TLK1: variants seen among roughly 807,000 people sequenced by gnomAD.
TLK1 encodes serine/threonine-protein kinase tousled-like 1.
In TLK1, 24 loss-of-function variants were observed where a neutral mutation model predicts 105.3. The ratio of observed to expected loss-of-function variants is 0.23; its 90% CI spans 0.17 to 0.32. TLK1 has a LOEUF of 0.32. Among genes scored for constraint, TLK1 ranks in the 10% least tolerant of loss-of-function variants. TLK1 has a pLI of 1.00. For missense variants in TLK1, 558 were observed against 910.5 expected, an observed-to-expected ratio of 0.61 and a Z score of 4.98; for synonymous variants, 321 against 310.4, an observed-to-expected ratio of 1.03 and a Z score of -0.36.
In TLK1 at chr2:171,049,926, T is replaced by C; in HGVS notation, c.868A>G (p.Arg290Gly). ...EKSTQEKLSS[R>G]EKSMQDRLRL... ...AATCGATCTTGCATACTCTTCTCTCTGCTTGACAGCTTTTCTTGTGTACTC... is the reference window on the plus strand; with the variant it reads ...AATCGATCTTGCATACTCTTCTCTCCGCTTGACAGCTTTTCTTGTGTACTC... The change falls in exon 10 of 21, where the codon AGA becomes GGA. Residue 290 changes from arginine (R) to glycine (G), a missense_variant. Coordinates refer to ENST00000431350, the MANE Select transcript of TLK1 (RefSeq NM_012290.5). 6.2e-7 allele frequency: 1 copy of C among 1,613,446 alleles called. No individual in the cohort carries two copies. Among genetic ancestry groups the C allele is most frequent in the Non-Finnish European group, 8.5e-7 (1 of 1,179,834 alleles).
At chr2:171,211,493 C>T (rs773196946) in intron 1 of TLK1, among the ~76,000 whole-genome samples, 3 of 151,970 alleles carry the variant, frequency 2.0e-5, no homozygotes, top group Non-Finnish European at 4.4e-5. Context: ...TTGTTCAATG[C>T]TATTTTGCAC....
At chr2:171,200,416 T>A (rs958430793) in intron 1 of TLK1, among the ~76,000 whole-genome samples, 2 of 152,226 alleles carry the variant, frequency 1.3e-5, no homozygotes, top group Non-Finnish European at 1.5e-5. Context: ...GAAGCCATGG[T>A]TCCTTTCTTT....
chr2:170,997,559 T>G (rs1220156208), intron 19 of TLK1, among the ~76,000 whole-genome samples, 153 bp downstream of exon 19: 1 of 152,114 alleles, frequency 6.6e-6, no homozygotes, highest in Non-Finnish European at 1.5e-5. Flanking sequence ...ATAATTCTGA[T>G]CCATGGAAAT....
intron 20 of TLK1, among the ~76,000 whole-genome samples, chr2:170,995,294 T>C (rs1368671709): frequency 6.6e-6 from 1 of 152,110 alleles, no homozygotes; most frequent in Non-Finnish European, 1.5e-5. Flanking sequence ...TTGGCAAAGG[T>C]ATCTTCTGTA....
At chr2:171,102,931 A>G (rs993588145) in intron 2 of TLK1, among the ~76,000 whole-genome samples, 10 of 152,206 alleles carry the variant, frequency 6.6e-5, no homozygotes, top group African/African-American at 1.7e-4. Context: ...TATGGAATCA[A>G]TAAGTTGTAG....
At chr2:171,109,833 G>T (rs1185141706) in intron 2 of TLK1, among the ~76,000 whole-genome samples, 2 of 152,092 alleles carry the variant, frequency 1.3e-5, no homozygotes, top group African/African-American at 4.8e-5. Context: ...CAACAACCTG[G>T]ATAAATCTCA....
chr2:171,121,972 C>T (rs1046846116), intron 1 of TLK1, among the ~76,000 whole-genome samples: 1 of 152,142 alleles, frequency 6.6e-6, no homozygotes. Context: ...TTTTGAGACG[C>T]AGTCTCACTC....
intron 1 of TLK1, among the ~76,000 whole-genome samples, chr2:171,176,829 T>C (rs1692838124): frequency 1.3e-5 from 2 of 148,902 alleles, no homozygotes; most frequent in East Asian, 1.9e-4. Context: ...CATCGGCCTA[T>C]TTTTTTTTTA....
intron 1 of TLK1, among the ~76,000 whole-genome samples, chr2:171,121,032 C>T (rs1558953339): frequency 6.6e-6 from 1 of 151,968 alleles, no homozygotes; most frequent in East Asian, 1.9e-4. Context: ...GTAAAATAAG[C>T]CAGTCACAAA....
intron 1 of TLK1, among the ~76,000 whole-genome samples, chr2:171,134,040 A>C (rs935102141): frequency 1.3e-5 from 2 of 152,124 alleles, no homozygotes; most frequent in African/African-American, 4.8e-5. Flanking sequence ...GCCCAGCCAC[A>C]ATCATTTCAA....
Position 171,099,280 on chromosome 2 carries a change from T to C in TLK1, c.259-16428A>G, listed in dbSNP as rs148027470. On this transcript the variant is annotated intron_variant, in intron 2 of 20. Coordinates refer to ENST00000431350, the MANE Select transcript of TLK1 (RefSeq NM_012290.5). ...TTACAATACTATCAAAAAAATAAAA[T>C]ACTTAGGAATAAACTTAACAAAACA... Among the ~76,000 whole-genome samples, 4 of 152,056 alleles carry C rather than the reference T, an allele frequency of 2.6e-5. No homozygotes were observed. The East Asian group carries it at 7.7e-4, about 29-fold the overall frequency.
chr2:171,023,410 C>T (rs375750783), intron 12 of TLK1, among the ~76,000 whole-genome samples: 29 of 142,526 alleles, frequency 2.0e-4, no homozygotes, highest in African/African-American at 8.2e-4. Flanking sequence ...AATGCACTCA[C>T]ACATACACAC....
intron 1 of TLK1, among the ~76,000 whole-genome samples, chr2:171,189,717 G>A (rs562495562): frequency 6.6e-6 from 1 of 152,276 alleles, no homozygotes; most frequent in African/African-American, 2.4e-5. Flanking sequence ...TCTGAAGATA[G>A]GCCATGACAT....
chr2:171,216,161 C>T (rs1207619727), intron 1 of TLK1, among the ~76,000 whole-genome samples: 2 of 152,134 alleles, frequency 1.3e-5, no homozygotes, highest in East Asian at 3.8e-4. Context: ...TCCAGAGTTG[C>T]ACACTAACCA....
Position 171,169,142 on chromosome 2 carries a change from CAATCTT to C in TLK1, c.-5-51291_-5-51286del, listed in dbSNP as rs1692675604. Among the ~76,000 whole-genome samples, 3 of 151,820 alleles carry C rather than the reference CAATCTT, an allele frequency of 2.0e-5. No homozygotes were observed. The South Asian group carries it at 6.2e-4, about 32-fold the overall frequency. On this transcript the variant is annotated intron_variant, in intron 1 of 20. Coordinates refer to the TLK1 transcript ENST00000521943. Reference sequence around the variant, plus strand: ...ATTCTGGGAATCTATCTGGAAGAAACAATCTTAAATTAGAAAAAATGTGTCTGTGCT... The same window carrying C: ...ATTCTGGGAATCTATCTGGAAGAAACAAATTAGAAAAAATGTGTCTGTGCT...
intron 18 of TLK1, among the ~76,000 whole-genome samples, chr2:170,999,633 TTATA>T (rs1298585622): frequency 3.9e-5 from 6 of 152,244 alleles, no homozygotes; most frequent in African/African-American, 1.4e-4. Context: ...AAGAGCAATA[TTATA>T]TGTGTATTCT....
chr2:171,168,647 A>G (rs1248284903), intron 1 of TLK1, among the ~76,000 whole-genome samples: 2 of 152,262 alleles, frequency 1.3e-5, no homozygotes, highest in Non-Finnish European at 2.9e-5. Flanking sequence ...CTGGTGTCTA[A>G]AACAGACTTT....
intron 1 of TLK1, among the ~76,000 whole-genome samples, chr2:171,139,656 G>C (rs185035902): frequency 6.6e-6 from 1 of 152,080 alleles, no homozygotes; most frequent in African/African-American, 2.4e-5. Flanking sequence ...GGCATCAAAG[G>C]CAAAAATAGT....
At chr2:171,204,467 T>C (rs1469503718) in intron 1 of TLK1, among the ~76,000 whole-genome samples, 2 of 151,816 alleles carry the variant, frequency 1.3e-5, no homozygotes, top group East Asian at 3.9e-4. Context: ...AAGATGTTTT[T>C]AAAATGTCAG....
Sources: allele counts gnomAD v4.1 joint callset (sites outside exome capture counted in the v4.1 genomes callset), GRCh38; gene constraint gnomAD v4.1.1; transcripts MANE v1.5; gene names NCBI Gene and HGNC (gene_info 2026-07-23, HGNC 2026-07-21).